TMEM236: variants seen among roughly 807,000 people sequenced by gnomAD.
TMEM236 encodes the protein family with sequence similarity 23, member A.
TMEM236 carries 11 observed loss-of-function variants against 14.7 expected under a neutral mutation model. That is an observed-to-expected ratio of 0.75 (90% CI 0.47 to 1.24). The LOEUF (loss-of-function observed/expected upper bound fraction) is 1.24. TMEM236 is among the 50% of genes most tolerant of loss of function. TMEM236 has a pLI of 0.00. For synonymous variants in TMEM236, 182 were observed against 168.6 expected, an observed-to-expected ratio of 1.08 and a Z score of -0.62; for missense variants, 464 against 427.3, an observed-to-expected ratio of 1.09 and a Z score of -0.76.
Position 17,757,192 on chromosome 10 carries a change from G to C in TMEM236, c.257+4640G>C, listed in dbSNP as rs937723535. The stretch of plus-strand genomic sequence containing the variant: ...CTGTTCTAGGAGCTTTACACCTTCT[G>C]TACTGTTAAGTTTAAACTTTACAAC... On this transcript the variant is annotated intron_variant, in intron 1 of 3. Coordinates refer to ENST00000377495, the MANE Select transcript of TMEM236 (RefSeq NM_001098844.3). Among the ~76,000 whole-genome samples the C allele has an allele frequency of 2.0e-3, 308 of 152,294 alleles. 1 individual carries two copies. The highest frequency in any genetic ancestry group is 6.9e-3 in the African/African-American group (288 of 41,546).
intron 1 of TMEM236, among the ~76,000 whole-genome samples, chr10:17,761,727 T>C (rs1361092144): frequency 2.2e-4 from 34 of 151,630 alleles, no homozygotes; most frequent in Admixed American, 1.9e-3. Flanking sequence ...GGAAGTTTTC[T>C]GTATCTCAGC....
At chr10:17,781,745 CAAAAAA>C (rs67839025) in intron 3 of TMEM236, among the ~76,000 whole-genome samples, 2 of 96,844 alleles carry the variant, frequency 2.1e-5, no homozygotes. Flanking sequence ...ACCTCTGTCT[CAAAAAA>C]AAAAAAAAAA....
At chr10:17,776,787 A>G (rs1837664406) in intron 3 of TMEM236, among the ~76,000 whole-genome samples, 1 of 152,194 alleles carries the variant, frequency 6.6e-6, no homozygotes, top group Non-Finnish European at 1.5e-5. Context: ...AATAAAATTT[A>G]AAGAAAACTC....
chr10:17,796,802 G>A lies in TMEM236; in HGVS notation c.*298G>A, dbSNP rs1406292440. The A allele has an allele frequency of 2.6e-6, 1 of 389,524 alleles. No individual in the cohort carries two copies. The highest frequency in any genetic ancestry group is 6.2e-5 in the East Asian group (1 of 16,150). 24.1% of individuals were successfully genotyped at this position (389,524 alleles called of 1,614,324 possible). A position where few individuals can be genotyped will look rare whatever the true frequency, so the allele number is the denominator to read the frequency against. On this transcript the variant is annotated 3_prime_UTR_variant, in exon 4 of 4. Coordinates refer to ENST00000377495, the MANE Select transcript of TMEM236 (RefSeq NM_001098844.3). ...CCCCAACCCCTGGACCATGGTCCCA[G>A]TACTGGTCCGTGATCTGTTAGCAAG...
intron 1 of TMEM236, among the ~76,000 whole-genome samples, chr10:17,761,571 G>A (rs1345465308): frequency 1.3e-5 from 2 of 151,798 alleles, no homozygotes; most frequent in Non-Finnish European, 2.9e-5. Flanking sequence ...GCTCATGCCT[G>A]TAGTCCCCGG....
chr10:17,774,812 C>CTCTCTCTCTCTCTG (rs1292963238), intron 2 of TMEM236, among the ~76,000 whole-genome samples: 8 of 151,102 alleles, frequency 5.3e-5, no homozygotes, highest in Non-Finnish European at 1.0e-4. Context: ...CTCTCTCTCT[C>CTCTCTCTCTCTCTG]TCTCTCTCTC....
In TMEM236 at chr10:17,754,442, G is replaced by A. The variant is rs1019254145; in HGVS notation, c.257+1890G>A. Reference sequence around the variant, plus strand: ...GGGGCTCAGGTGATCCTCCTACCTCGACCTCCTGAGTAGCTGGGACTACAG... The same window carrying A: ...GGGGCTCAGGTGATCCTCCTACCTCAACCTCCTGAGTAGCTGGGACTACAG... On this transcript the variant is annotated intron_variant, in intron 1 of 3. Coordinates refer to ENST00000377495, the MANE Select transcript of TMEM236 (RefSeq NM_001098844.3). Among the ~76,000 whole-genome samples the A allele has an allele frequency of 3.1e-4, 47 of 151,830 alleles. No individual in the cohort carries two copies. The South Asian group carries it at 9.2e-3, about 30-fold the overall frequency.
In TMEM236 at chr10:17,772,568, T is replaced by C. The variant is rs910445788; in HGVS notation, c.330+1187T>C. Among the ~76,000 whole-genome samples, 331 of 152,338 alleles carry C rather than the reference T, an allele frequency of 2.2e-3. 1 individual carries two copies. Among genetic ancestry groups the C allele is most frequent in the African/African-American group, 7.4e-3 (309 of 41,594 alleles). On this transcript the variant is annotated intron_variant, in intron 2 of 3. Coordinates refer to ENST00000377495, the MANE Select transcript of TMEM236 (RefSeq NM_001098844.3). ...CTCTTTTTTATGATGTCTCTTCCAT[T>C]GTTACATCTTTTTCTTTCCTTTCCT...
intron 1 of TMEM236, among the ~76,000 whole-genome samples, chr10:17,762,554 A>G (rs1480293723): frequency 7.1e-6 from 1 of 141,194 alleles, no homozygotes; most frequent in Non-Finnish European, 1.5e-5. Context: ...AAATAGGTAT[A>G]TATTTACCTA....
At chr10:17,792,005 A>T (rs966712173) in intron 3 of TMEM236, among the ~76,000 whole-genome samples, 1 of 152,160 alleles carries the variant, frequency 6.6e-6, no homozygotes. Flanking sequence ...AGTCTAATGA[A>T]TGCATTTTTA....
At chr10:17,775,877 G>C in intron 2 of TMEM236, 152 bp from the exon 3 acceptor site, 1 of 899,422 alleles carries the variant, frequency 1.1e-6, no homozygotes, top group Non-Finnish European at 1.8e-6. Context: ...AAAACCTTGT[G>C]GCATTTAAAA....
chr10:17,792,643 C>T (rs1017459601), intron 3 of TMEM236, among the ~76,000 whole-genome samples: 5 of 152,276 alleles, frequency 3.3e-5, no homozygotes, highest in East Asian at 1.9e-4. Context: ...TACACAGTGA[C>T]GACCAAAAGT....
At chr10:17,755,720 G>C (rs984587815) in intron 1 of TMEM236, among the ~76,000 whole-genome samples, 1 of 152,090 alleles carries the variant, frequency 6.6e-6, no homozygotes, top group African/African-American at 2.4e-5. Flanking sequence ...ATGGTGGAAG[G>C]TTCAAATGAC....
chr10:17,769,468 G>A (rs1394011723), intron 1 of TMEM236, among the ~76,000 whole-genome samples: 2 of 152,236 alleles, frequency 1.3e-5, no homozygotes, highest in African/African-American at 4.8e-5. Context: ...TTGAAGCAAT[G>A]GGAACGGATG....
intron 1 of TMEM236, among the ~76,000 whole-genome samples, chr10:17,757,598 CAA>C (rs143988279): frequency 6.5e-4 from 64 of 98,548 alleles, no homozygotes; most frequent in Admixed American, 8.0e-4. Flanking sequence ...AACCCTGTCT[CAA>C]AAAAAAAAAA....
intron 1 of TMEM236, among the ~76,000 whole-genome samples, chr10:17,756,576 A>G (rs1837288163): frequency 6.6e-6 from 1 of 152,210 alleles, no homozygotes; most frequent in Non-Finnish European, 1.5e-5. Context: ...GATTACGGGC[A>G]TGAACCACTG....
At chr10:17,781,520 G>A (rs980741469) in intron 3 of TMEM236, among the ~76,000 whole-genome samples, 4 of 151,810 alleles carry the variant, frequency 2.6e-5, no homozygotes, top group African/African-American at 9.7e-5. Context: ...GGGGGTGGGG[G>A]GGATCACCTG....
At chr10:17,766,566 C>T (rs567291910) in intron 1 of TMEM236, among the ~76,000 whole-genome samples, 6 of 152,294 alleles carry the variant, frequency 3.9e-5, no homozygotes, top group South Asian at 2.1e-4. Flanking sequence ...GCAATCTAGG[C>T]TTTTTCTATT....
chr10:17,757,704 A>AT (rs1227308881), intron 1 of TMEM236, among the ~76,000 whole-genome samples: 2 of 149,578 alleles, frequency 1.3e-5, no homozygotes, highest in African/African-American at 4.9e-5. Context: ...CTTTTCCTTT[A>AT]TTTTTTCTGA....
Sources: allele counts gnomAD v4.1 joint callset (sites outside exome capture counted in the v4.1 genomes callset), GRCh38; gene constraint gnomAD v4.1.1; transcripts MANE v1.5; gene names NCBI Gene and HGNC (gene_info 2026-07-23, HGNC 2026-07-21).